SLC37A2: variants seen among roughly 807,000 people sequenced by gnomAD.
SLC37A2 encodes solute carrier family 37 member 2, also known as glucose-6-phosphate exchanger SLC37A2.
A neutral mutation model predicts 70.7 loss-of-function variants in SLC37A2; 59 were observed. The observed-to-expected ratio is 0.83, with a 90% CI of 0.68 to 1.04. The LOEUF (loss-of-function observed/expected upper bound fraction) is 1.04, where lower values mean the gene tolerates loss of function less well. Ranked by LOEUF, SLC37A2 falls within the 50% of genes least tolerant of loss-of-function variation. The probability of loss-of-function intolerance (pLI) is 0.00; values close to 1 mark genes in which losing one functional copy is unlikely to be tolerated. For missense variants in SLC37A2, 580 were observed against 658.1 expected (o/e 0.88, Z 1.30); for synonymous variants, 257 against 262.1 (o/e 0.98, Z 0.19).
intron 16 of SLC37A2, 140 bp downstream of exon 16, chr11:125,085,814 T>C: frequency 8.2e-7 from 1 of 1,225,604 alleles, no homozygotes; most frequent in Non-Finnish European, 1.2e-6. Flanking sequence ...GCACTCTCCC[T>C]CCCCCGAGTG....
At chr11:125,075,167 C>T (rs951394505) in intron 1 of SLC37A2, among the ~76,000 whole-genome samples, 1 of 152,244 alleles carries the variant, frequency 6.6e-6, no homozygotes, top group Non-Finnish European at 1.5e-5. Flanking sequence ...AGGTGCGTCC[C>T]AGGCGGGGCT....
Position 125,082,325 on chromosome 11 carries a change from G to T in SLC37A2, c.967G>T (p.Ala323Ser). The T allele has an allele frequency of 6.2e-7, 1 of 1,613,736 alleles. No individual in the cohort carries two copies. The highest frequency in any genetic ancestry group is 8.5e-7 in the Non-Finnish European group (1 of 1,179,812). Residue 323 changes from alanine (A) to serine (S), a missense_variant, in exon 10 of 18, where the codon GCC (alanine) becomes TCC (serine). Coordinates refer to ENST00000403796, the MANE Select transcript of SLC37A2 (RefSeq NM_001145290.2). Reference sequence around the variant, plus strand: ...CCTCTACTGGCTGCCCCTCTACATCGCCAATGTGGGTAAGTCCAAGAGAAG... The same window carrying T: ...CCTCTACTGGCTGCCCCTCTACATCTCCAATGTGGGTAAGTCCAAGAGAAG... ...TFLYWLPLYI[A>S]NVAHFSAKEA...
Position 125,079,378 on chromosome 11 carries a change from G to T in SLC37A2, c.450+131G>T. On this transcript the variant is annotated intron_variant, in intron 5 of 17. Transcript: ENST00000403796. Reference sequence around the variant, plus strand: ...AGTGCTCTCTATTACACTGCACTGAGTTCTACCTCCTGGCCCCACTGCCCC... The same window carrying T: ...AGTGCTCTCTATTACACTGCACTGATTTCTACCTCCTGGCCCCACTGCCCC... The T allele has an allele frequency of 2.5e-6, 3 of 1,207,400 alleles. No homozygotes were observed. The South Asian group carries it at 4.2e-5, about 17-fold the overall frequency. 74.8% of individuals were successfully genotyped at this position (1,207,400 alleles called of 1,614,324 possible).
intron 1 of SLC37A2, among the ~76,000 whole-genome samples, chr11:125,075,721 A>G (rs1385891896): frequency 6.6e-6 from 1 of 152,216 alleles, no homozygotes; most frequent in Non-Finnish European, 1.5e-5. Flanking sequence ...GTGTTGCTTC[A>G]TGCCACATTT....
chr11:125,078,078 G>A (rs2062474054), intron 4 of SLC37A2, among the ~76,000 whole-genome samples: 1 of 152,194 alleles, frequency 6.6e-6, no homozygotes, highest in African/African-American at 2.4e-5. Flanking sequence ...CAGAGGGGTC[G>A]GGGATGCTTC....
chr11:125,074,364 G>C (rs536982331), intron 1 of SLC37A2, among the ~76,000 whole-genome samples: 55 of 152,092 alleles, frequency 3.6e-4, no homozygotes, highest in African/African-American at 1.2e-3. Context: ...TGGAGATTCC[G>C]CTCACGGATT....
In SLC37A2 at chr11:125,067,633, G is replaced by A. The variant is rs551312152; in HGVS notation, c.59+4207G>A. On this transcript the variant is annotated intron_variant, in intron 1 of 17. Transcript: ENST00000403796. ...AAGAACAAATCTTTGTGGTTTTCCAGGAGCCCTTCCTCTTTTTAAATTAAA... is the reference window on the plus strand; with the variant it reads ...AAGAACAAATCTTTGTGGTTTTCCAAGAGCCCTTCCTCTTTTTAAATTAAA... 2.0e-5 allele frequency among the ~76,000 whole-genome samples: 3 copies of A among 152,202 alleles called. No homozygotes were observed. The East Asian group carries it at 5.8e-4, about 29-fold the overall frequency.
rs1467468906 is a variant in SLC37A2 at position 125,084,296 on chromosome 11, A to G, written c.1102A>G (p.Met368Val). The G allele has an allele frequency of 1.9e-6, 3 of 1,614,110 alleles. No homozygotes were observed. The highest frequency in any genetic ancestry group is 1.1e-5 in the South Asian group (1 of 91,086). The change falls in exon 12 of 18, where the codon ATG becomes GTG. Residue 368 changes from methionine (M) to valine (V), a missense_variant. Physicochemically the swap from Met to Val is conservative, Grantham distance 21. Transcript: ENST00000403796. ...TNGRATTCCV[M>V]LILAAPMMFL... Reference sequence around the variant, plus strand: ...TGGCAGGGCCACCACTTGCTGTGTCATGCTCATCTTGGCTGCCCCCATGGT... The same window carrying G: ...TGGCAGGGCCACCACTTGCTGTGTCGTGCTCATCTTGGCTGCCCCCATGGT...
In SLC37A2 at chr11:125,077,289, C is replaced by A. The variant is rs750688333; in HGVS notation, c.201C>A (p.Leu67=). 7 of 1,608,694 alleles carry A rather than the reference C, an allele frequency of 4.4e-6. No homozygotes were observed. Among genetic ancestry groups the A allele is most frequent in the Non-Finnish European group, 5.9e-6 (7 of 1,177,266 alleles). ...AACCCATCAATGATACTCACAGTCT[C>A]AATGACACCATGTGGTGCAGCTGGG... ...QIKPINDTHS[L]NDTMWCSWAP... is the part of the protein sequence containing the mutation. The change falls in exon 3 of 18, where the codon CTC becomes CTA. Residue 67 remains leucine (L), a synonymous_variant. Transcript: ENST00000403796.
At chr11:125,073,316 C>T (rs1949049041) in intron 1 of SLC37A2, among the ~76,000 whole-genome samples, 1 of 152,236 alleles carries the variant, frequency 6.6e-6, no homozygotes, top group Non-Finnish European at 1.5e-5. Flanking sequence ...TTCAGGGCAT[C>T]CTTATGTTCA....
intron 5 of SLC37A2, 91 bp downstream of exon 5, chr11:125,079,338 C>CA: frequency 3.3e-6 from 5 of 1,500,958 alleles, no homozygotes; most frequent in Non-Finnish European, 4.6e-6. Context: ...AGCCTGTGTT[C>CA]CTGGCTCCCT....
intron 2 of SLC37A2, 30 bp downstream of exon 2, chr11:125,076,868 C>T (rs1949092815): frequency 6.2e-7 from 1 of 1,606,420 alleles, no homozygotes. Flanking sequence ...AGGAAGAGTG[C>T]AGAAGCACAC....
chr11:125,070,873 G>A (rs779317010), intron 1 of SLC37A2, among the ~76,000 whole-genome samples: 3 of 152,170 alleles, frequency 2.0e-5, no homozygotes, highest in African/African-American at 4.8e-5. Context: ...GTGGACTGGC[G>A]TGCACCTCAT....
intron 1 of SLC37A2, among the ~76,000 whole-genome samples, chr11:125,071,489 C>T (rs1307892329): frequency 6.6e-6 from 1 of 152,220 alleles, no homozygotes; most frequent in East Asian, 1.9e-4. Flanking sequence ...ACAATCTATC[C>T]TGTATTTTCC....
At chr11:125,085,012 T>A in intron 13 of SLC37A2, 54 bp from the exon 14 acceptor site, 1 of 1,599,864 alleles carries the variant, frequency 6.3e-7, no homozygotes, top group Non-Finnish European at 8.6e-7. Context: ...TGCCTTGGGG[T>A]TGGGGCTGCG....
chr11:125,071,111 T>G (rs1451843384), intron 1 of SLC37A2, among the ~76,000 whole-genome samples: 1 of 152,138 alleles, frequency 6.6e-6, no homozygotes, highest in Non-Finnish European at 1.5e-5. Flanking sequence ...TCTGAGTCAC[T>G]AACAGACACT....
chr11:125,085,428 G>A lies in SLC37A2; in HGVS notation c.1282G>A (p.Ala428Thr). ...THKSLKGNAKALSTVTAIIDG... is the reference protein window; with the variant it reads ...THKSLKGNAKTLSTVTAIIDG... ...CAAGAGCCTGAAGGGCAACGCCAAA[G>A]CCCTGTCCACGGTCACGGCCATCAT... The change falls in exon 15 of 18, where the codon GCC becomes ACC. Residue 428 changes from alanine to threonine, a missense_variant. By Grantham distance (58) the Ala-to-Thr change is moderately conservative. Transcript: ENST00000403796. 4.3e-6 allele frequency: 7 copies of A among 1,614,020 alleles called. No homozygotes were observed. Among genetic ancestry groups the A allele is most frequent in the Non-Finnish European group, 5.9e-6 (7 of 1,180,000 alleles).
rs773146215 is a variant in SLC37A2 at position 125,080,698 on chromosome 11, C to T, written c.612C>T (p.Asn204=). 37 of 1,582,092 alleles carry T rather than the reference C, an allele frequency of 2.3e-5. No homozygotes were observed. Among genetic ancestry groups the T allele is most frequent in the East Asian group, 1.7e-4 (7 of 41,798 alleles). Residue 204 remains asparagine (N), a synonymous_variant, in exon 7 of 18, where the codon AAC becomes AAT. Transcript: ENST00000403796. This position sits in a 1 kb window ranked among gnomAD's most constrained non-coding sequence, Gnocchi z 4.3. Reference sequence around the variant, plus strand: ...CCCTGATCGCCGGCATCTGGGTGAACGGGCAGTGGGGCCTGTCGTTCATCG... The same window carrying T: ...CCCTGATCGCCGGCATCTGGGTGAATGGGCAGTGGGGCCTGTCGTTCATCG... ...LGSLIAGIWV[N]GQWGLSFIVP...
chr11:125,081,345 T>TGAG (rs1949145562), intron 7 of SLC37A2, 76 bp from the exon 8 acceptor site: 1 of 1,418,148 alleles, frequency 7.1e-7, no homozygotes, highest in South Asian at 1.4e-5. Flanking sequence ...CAGTGCAAGG[T>TGAG]GAGGGCCTGG....
Sources: allele counts gnomAD v4.1 joint callset (sites outside exome capture counted in the v4.1 genomes callset), GRCh38; gene constraint gnomAD v4.1.1; non-coding constraint Gnocchi (gnomAD v3.1); transcripts MANE v1.5; gene names NCBI Gene and HGNC (gene_info 2026-07-23, HGNC 2026-07-21).